DPP6: variants seen among roughly 807,000 people sequenced by gnomAD.
DPP6 encodes the protein dipeptidyl peptidase like 6.
DPP6 carries 69 observed loss-of-function variants against 122.6 expected under a neutral mutation model. The observed-to-expected ratio is 0.56, with a 90% CI of 0.46 to 0.69. The LOEUF (loss-of-function observed/expected upper bound fraction) is 0.69. Among genes scored for constraint, DPP6 ranks in the 30% least tolerant of loss-of-function variants. DPP6 has a pLI of 0.00. For missense variants in DPP6, 928 were observed against 1,116.9 expected, an observed-to-expected ratio of 0.83 and a Z score of 2.41; for synonymous variants, 418 against 433.1, an observed-to-expected ratio of 0.97 and a Z score of 0.43.
intron 3 of DPP6, among the ~76,000 whole-genome samples, chr7:154,478,803 G>T (rs1035174631): frequency 2.6e-5 from 4 of 152,120 alleles, no homozygotes; most frequent in Non-Finnish European, 5.9e-5. Flanking sequence ...AAAATTATAG[G>T]TTCCGAACAG....
At chr7:153,879,711 T>C in the DPP6 span, among the ~76,000 whole-genome samples, 1 of 152,300 alleles carries the variant, frequency 6.6e-6, no homozygotes, top group East Asian at 1.9e-4. Context: ...TAAAAAGTCA[T>C]TTAACCACGT....
intron 17 of DPP6, among the ~76,000 whole-genome samples, chr7:154,860,855 A>G (rs1298699146): frequency 6.6e-6 from 1 of 152,254 alleles, no homozygotes; most frequent in East Asian, 1.9e-4. Flanking sequence ...ACAGCCGTGG[A>G]GCCACCACCA....
chr7:154,627,061 G>A (rs527339848), intron 5 of DPP6, among the ~76,000 whole-genome samples: 14 of 118,744 alleles, frequency 1.2e-4, no homozygotes, highest in Non-Finnish European at 1.9e-4. Flanking sequence ...TCACCAGGCT[G>A]GAGTTCAGTG....
intron 2 of DPP6, among the ~76,000 whole-genome samples, chr7:154,463,190 C>CTTTTCTTTTT (rs1563710931): frequency 8.8e-6 from 1 of 114,174 alleles, no homozygotes; most frequent in Non-Finnish European, 1.8e-5. Context: ...TTTACTTCTC[C>CTTTTCTTTTT]TTTTCTTTTT....
intron 19 of DPP6, among the ~76,000 whole-genome samples, chr7:154,874,664 A>G (rs10156104): frequency 0.58 from 88,688 of 152,148 alleles, 26,587 homozygotes; most frequent in African/African-American, 0.74. Flanking sequence ...AGCCCTTGGC[A>G]GACAGCTGGG....
chr7:154,114,368 G>A (rs535752635), intron 1 of DPP6, among the ~76,000 whole-genome samples: 1 of 152,186 alleles, frequency 6.6e-6, no homozygotes, highest in East Asian at 1.9e-4. Flanking sequence ...GAATAGCAGT[G>A]TCTATACCAC....
chr7:154,877,424 CACACACA>C lies in DPP6; in HGVS notation c.2078+1325_2078+1331del. 6.6e-6 allele frequency among the ~76,000 whole-genome samples: 1 copy of C among 151,986 alleles called. No individual in the cohort carries two copies. Among genetic ancestry groups the C allele is most frequent in the Non-Finnish European group, 1.5e-5 (1 of 67,964 alleles). The stretch of plus-strand genomic sequence containing the variant: ...GTGCGTGCACACACACACACACACA[CACACACA>C]CCTCTCAAATAAGGAACTATATTGG... On this transcript the variant is annotated intron_variant, in intron 20 of 25. Transcript: ENST00000377770. This position sits in a 1 kb window ranked among gnomAD's most constrained non-coding sequence, Gnocchi z 5.2.
chr7:153,962,572 T>C (rs1017126345), intron 1 of DPP6, among the ~76,000 whole-genome samples: 4 of 152,164 alleles, frequency 2.6e-5, no homozygotes, highest in African/African-American at 9.6e-5. Context: ...GCCCCTTACG[T>C]GAGCTGGGTT....
chr7:154,313,685 G>GTGTGTGTGTGTATATATATA lies in DPP6; in HGVS notation c.244-132528_244-132527insGTGTGTGTGTATATATATAT. ...AAGCAACAAGATATTTTAAGATATG[G>GTGTGTGTGTGTATATATATA]TATATATATATATATATATATATAT... is the stretch of plus-strand genomic sequence containing the variant. On this transcript the variant is annotated intron_variant, in intron 1 of 25. Coordinates refer to ENST00000377770, the MANE Select transcript of DPP6 (RefSeq NM_130797.4). 3.5e-3 allele frequency among the ~76,000 whole-genome samples: 72 copies of GTGTGTGTGTGTATATATATA among 20,470 alleles called. 14 individuals are homozygous for GTGTGTGTGTGTATATATATA. The highest frequency in any genetic ancestry group is 9.8e-3 in the East Asian group (3 of 306). 13.4% of individuals were successfully genotyped at this position (20,470 alleles called of 152,430 possible). A position where few individuals can be genotyped will look rare whatever the true frequency, so the allele number is the denominator to read the frequency against.
At chr7:154,406,088 C>T (rs1816061759) in intron 1 of DPP6, among the ~76,000 whole-genome samples, 1 of 152,074 alleles carries the variant, frequency 6.6e-6, no homozygotes, top group Non-Finnish European at 1.5e-5. Flanking sequence ...AACCGGGAGG[C>T]ATGCTGTAAA....
chr7:154,535,631 C>T (rs561535974), intron 3 of DPP6, among the ~76,000 whole-genome samples: 1 of 150,734 alleles, frequency 6.6e-6, no homozygotes, highest in Non-Finnish European at 1.5e-5. Context: ...TTAAAAAATA[C>T]ATCTCAGACA....
intron 1 of DPP6, among the ~76,000 whole-genome samples, chr7:154,370,548 A>G: frequency 6.6e-6 from 1 of 152,174 alleles, no homozygotes; most frequent in East Asian, 1.9e-4. Flanking sequence ...TCTAAATTTA[A>G]ACTCTTCGTT....
chr7:154,326,403 A>T (rs1375613848), intron 1 of DPP6, among the ~76,000 whole-genome samples: 3 of 152,158 alleles, frequency 2.0e-5, no homozygotes, highest in Non-Finnish European at 4.4e-5. Flanking sequence ...GTCAGAGCTC[A>T]AAGTCTATAT....
intron 1 of DPP6, among the ~76,000 whole-genome samples, chr7:154,393,130 A>G (rs1563595632): frequency 1.3e-5 from 2 of 152,226 alleles, no homozygotes; most frequent in Admixed American, 1.3e-4. Context: ...AGACTTATTT[A>G]GAAATGTACA....
At chr7:154,060,087 C>A (rs547250086) in intron 1 of DPP6, among the ~76,000 whole-genome samples, 31 of 147,410 alleles carry the variant, frequency 2.1e-4, no homozygotes, top group South Asian at 1.7e-3. Context: ...GGACCACCAT[C>A]GCAGGGGGGG....
rs1285936131 is a variant in DPP6 at position 154,036,019 on chromosome 7, CTTGTGTGTGTGT to C, written c.51+148286_51+148297del. 7.5e-4 allele frequency among the ~76,000 whole-genome samples: 111 copies of C among 148,398 alleles called. 2 individuals are homozygous for C. The highest frequency in any genetic ancestry group is 2.7e-3 in the African/African-American group (109 of 40,564). ...GAATGGCCAGGATTACGCGCGCGCG[CTTGTGTGTGTGT>C]GTGTGTGTGTGTGTGTATGTGAAAA... On this transcript the variant is annotated intron_variant, in intron 1 of 25. Coordinates refer to the DPP6 transcript ENST00000404039.
intron 1 of DPP6, among the ~76,000 whole-genome samples, chr7:154,154,248 C>T (rs1278966521): frequency 1.3e-5 from 2 of 152,234 alleles, no homozygotes; most frequent in African/African-American, 2.4e-5. Context: ...TCACTGAAAT[C>T]GTTTTGAACT....
chr7:154,800,048 G>A (rs1401046604), intron 12 of DPP6, among the ~76,000 whole-genome samples: 1 of 152,126 alleles, frequency 6.6e-6, no homozygotes, highest in Non-Finnish European at 1.5e-5. Flanking sequence ...TGCCAAACGT[G>A]CAAACATTTC....
chr7:154,313,686 T>TGTGTGTGTGTATATATATATATAC (rs1491447277), intron 1 of DPP6, among the ~76,000 whole-genome samples: 1 of 7,820 alleles, frequency 1.3e-4, no homozygotes, highest in Admixed American at 1.0e-3. Context: ...TAAGATATGG[T>TGTGTGTGTGTATATATATATATAC]ATATATATAT....
Sources: allele counts gnomAD v4.1 joint callset (sites outside exome capture counted in the v4.1 genomes callset), GRCh38; gene constraint gnomAD v4.1.1; non-coding constraint Gnocchi (gnomAD v3.1); transcripts MANE v1.5; gene names NCBI Gene and HGNC (gene_info 2026-07-23, HGNC 2026-07-21).